Variants in DEPTOR observed in about 807,000 individuals in gnomAD.
DEPTOR encodes the protein DEP domain containing MTOR interacting protein, also known as DEP domain-containing mTOR-interacting protein.
A neutral mutation model predicts 41.6 loss-of-function variants in DEPTOR; 41 were observed. The ratio of observed to expected loss-of-function variants is 0.98; its 90% CI spans 0.77 to 1.28. DEPTOR has a LOEUF of 1.28. Ranked by LOEUF, DEPTOR falls within the 50% of genes most tolerant of loss-of-function variation. DEPTOR has a pLI of 0.00. For synonymous variants in DEPTOR, 195 were observed against 192.3 expected (o/e 1.01, Z -0.12); for missense variants, 514 against 527.9 (o/e 0.97, Z 0.26).
chr8:120,003,199 A>G (rs1812383081), intron 6 of DEPTOR, 88 bp downstream of exon 6: 1 of 1,556,384 alleles, frequency 6.4e-7, no homozygotes, highest in East Asian at 2.3e-5. Flanking sequence ...GCGGGAGACT[A>G]GTGTGTGGGT....
At position 119,915,747 on chromosome 8, in the gene DEPTOR, T is replaced by C. The variant is rs56330562; in HGVS notation, c.123-12653T>C. Among the ~76,000 whole-genome samples, 1,235 of 152,274 alleles carry C rather than the reference T, an allele frequency of 8.1e-3. 22 individuals carry two copies. Among genetic ancestry groups the C allele is most frequent in the African/African-American group, 0.028 (1,172 of 41,550 alleles). On this transcript the variant is annotated intron_variant, in intron 1 of 8. Transcript: ENST00000286234. ...TGATTTTGGTTATCAGTTAGGTTGA[T>C]ACCATAGAAGAGATGAGGTTGATTC...
intron 4 of DEPTOR, among the ~76,000 whole-genome samples, chr8:119,980,015 C>T (rs552557665): frequency 6.6e-6 from 1 of 152,094 alleles, no homozygotes; most frequent in East Asian, 1.9e-4. Context: ...GTACTGTACC[C>T]AATGAAAGGG....
At chr8:119,970,814 G>A (rs181606149) in intron 4 of DEPTOR, among the ~76,000 whole-genome samples, 1 of 152,256 alleles carries the variant, frequency 6.6e-6, no homozygotes, top group Non-Finnish European at 1.5e-5. Context: ...AGTTTCCTAT[G>A]TTCTTCCTTC....
intron 1 of DEPTOR, among the ~76,000 whole-genome samples, chr8:119,917,544 A>G (rs947431120): frequency 1.3e-5 from 2 of 152,226 alleles, no homozygotes; most frequent in African/African-American, 4.8e-5. Flanking sequence ...GTTAAGAGTC[A>G]TCACCACTCC....
intron 1 of DEPTOR, among the ~76,000 whole-genome samples, chr8:119,892,166 T>C (rs1257241690): frequency 6.6e-6 from 1 of 152,108 alleles, no homozygotes; most frequent in Non-Finnish European, 1.5e-5. Flanking sequence ...GCCCAGCTAA[T>C]TTTTGTATTT....
Position 119,908,025 on chromosome 8 carries a change from A to G in DEPTOR, c.123-20375A>G, listed in dbSNP as rs184279001. Among the ~76,000 whole-genome samples, 372 of 152,254 alleles carry G rather than the reference A, an allele frequency of 2.4e-3. 2 individuals carry two copies. The highest frequency in any genetic ancestry group is 8.0e-3 in the African/African-American group (331 of 41,546). On this transcript the variant is annotated intron_variant, in intron 1 of 8. Transcript: ENST00000286234. The stretch of plus-strand genomic sequence containing the variant: ...CCTCATGATGAGGCTGGCCATCAGA[A>G]AGACCAAGTGATTAGAGGATGAGAG...
At chr8:119,977,852 T>C (rs1828716287) in intron 4 of DEPTOR, among the ~76,000 whole-genome samples, 1 of 151,638 alleles carries the variant, frequency 6.6e-6, no homozygotes, top group Non-Finnish European at 1.5e-5. Context: ...AAAGATGGGG[T>C]CTTGCTATAT....
chr8:119,930,064 C>T, intron 3 of DEPTOR, 126 bp downstream of exon 3: 1 of 1,132,112 alleles, frequency 8.8e-7, no homozygotes, highest in East Asian at 2.7e-5. Context: ...TGTTCTTTTC[C>T]ATATGAGAAA....
chr8:119,980,515 C>CTTTTCTTTTCTTT (rs1828752225), intron 4 of DEPTOR, among the ~76,000 whole-genome samples: 16 of 41,504 alleles, frequency 3.9e-4, no homozygotes, highest in African/African-American at 1.3e-3. Context: ...TTTCTTTTCT[C>CTTTTCTTTTCTTT]TCTTTGTGTT....
At chr8:119,905,361 T>C (rs906610200) in intron 1 of DEPTOR, among the ~76,000 whole-genome samples, 2 of 152,140 alleles carry the variant, frequency 1.3e-5, no homozygotes, top group African/African-American at 4.8e-5. Context: ...GAGAGTGAGA[T>C]AGCCAAGACT....
intron 8 of DEPTOR, among the ~76,000 whole-genome samples, chr8:120,028,604 G>A (rs113219053): frequency 5.9e-4 from 90 of 151,682 alleles, no homozygotes; most frequent in African/African-American, 1.9e-3. Flanking sequence ...GGGATTACAG[G>A]CGCCTGCCAC....
intron 8 of DEPTOR, among the ~76,000 whole-genome samples, chr8:120,032,666 G>A (rs1180269365): frequency 6.6e-6 from 1 of 152,176 alleles, no homozygotes; most frequent in Non-Finnish European, 1.5e-5. Flanking sequence ...TGCATGTGGA[G>A]CAATGGAGGG....
At position 119,965,216 on chromosome 8, in the gene DEPTOR, C is replaced by CT. The variant is rs756145602; in HGVS notation, c.426-9dup. On this transcript the variant is annotated splice_polypyrimidine_tract_variant and intron_variant, in intron 3 of 8. Coordinates refer to ENST00000286234, the MANE Select transcript of DEPTOR (RefSeq NM_022783.4). ...TCGTATAGGTTTACTTTTCTTTTCC[C>CT]TTTTTTTCTTCCCAGGCTGATGAGC... 1 of 1,597,174 alleles carries CT rather than the reference C, an allele frequency of 6.3e-7. No homozygotes were observed.
Position 119,891,724 on chromosome 8 carries a change from T to C in DEPTOR, c.122+17756T>C, listed in dbSNP as rs114749594. On this transcript the variant is annotated intron_variant, in intron 1 of 8. Coordinates refer to ENST00000286234, the MANE Select transcript of DEPTOR (RefSeq NM_022783.4). ...GTGGCAATTGGCTTACATTCAAATT[T>C]CATGGAATGATTTTTGTATTACTTG... 9.1e-3 allele frequency among the ~76,000 whole-genome samples: 1,389 copies of C among 152,320 alleles called. 17 individuals carry two copies. The highest frequency in any genetic ancestry group is 0.032 in the African/African-American group (1,341 of 41,554).
chr8:119,886,820 A>C, intron 1 of DEPTOR, among the ~76,000 whole-genome samples: 1 of 152,104 alleles, frequency 6.6e-6, no homozygotes, highest in East Asian at 1.9e-4. Flanking sequence ...ATTTCAGCTA[A>C]TTTTATGAGA....
intron 4 of DEPTOR, among the ~76,000 whole-genome samples, chr8:119,986,824 A>G (rs534761044): frequency 1.3e-5 from 2 of 151,606 alleles, no homozygotes; most frequent in African/African-American, 2.4e-5. Context: ...CGATTCAGCT[A>G]TTGATACTTG....
chr8:120,044,622 C>T (rs1036115989), intron 8 of DEPTOR, among the ~76,000 whole-genome samples: 1 of 152,164 alleles, frequency 6.6e-6, no homozygotes, highest in Non-Finnish European at 1.5e-5. Context: ...CCTATCCATA[C>T]TGCCCACAGC....
chr8:119,882,949 G>A (rs1283155436), intron 1 of DEPTOR, among the ~76,000 whole-genome samples: 1 of 152,078 alleles, frequency 6.6e-6, no homozygotes, highest in African/African-American at 2.4e-5. Flanking sequence ...GAAGTTTATG[G>A]CAGTGATTGT....
chr8:119,996,420 G>T (rs1812260149), intron 4 of DEPTOR, among the ~76,000 whole-genome samples: 1 of 152,110 alleles, frequency 6.6e-6, no homozygotes, highest in Admixed American at 6.6e-5. Context: ...ATCTCATCTG[G>T]CCCTCATGTT....
Sources: gnomAD v4.1 joint callset for allele counts (sites outside exome capture counted in the v4.1 genomes callset) on GRCh38, gnomAD v4.1.1 for gene constraint, MANE v1.5 for transcripts, NCBI Gene and HGNC (gene_info 2026-07-23, HGNC 2026-07-21) for gene names.